ABCC4: variants seen among roughly 807,000 people sequenced by gnomAD.
ABCC4 encodes the protein ATP-binding cassette sub-family C member 4.
A neutral mutation model predicts 168.5 loss-of-function variants in ABCC4; 102 were observed. The observed-to-expected ratio is 0.61, with a 90% confidence interval of 0.52 to 0.71. The LOEUF is 0.71. Among genes scored for constraint, ABCC4 ranks in the 30% least tolerant of loss-of-function variants. ABCC4 has a pLI of 0.00. For synonymous variants in ABCC4, 617 were observed against 590.7 expected (o/e 1.04, Z -0.65); for missense variants, 1,402 against 1,605.8 (o/e 0.87, Z 2.17).
chr13:95,029,227 G>T (rs1481508744), intron 30 of ABCC4, among the ~76,000 whole-genome samples: 15 of 26,656 alleles, frequency 5.6e-4, no homozygotes, highest in African/African-American at 1.7e-3. Context: ...GAGAGAGAGA[G>T]AGAGAGAGAG....
chr13:95,255,831 T>C (rs1030888631), intron 1 of ABCC4, among the ~76,000 whole-genome samples: 3 of 152,166 alleles, frequency 2.0e-5, no homozygotes, highest in African/African-American at 7.2e-5. Context: ...GATTTCCTAC[T>C]ACGGAGCTTC....
chr13:95,173,386 G>A (rs1349307372), intron 13 of ABCC4, among the ~76,000 whole-genome samples: 1 of 152,242 alleles, frequency 6.6e-6, no homozygotes, highest in Non-Finnish European at 1.5e-5. Flanking sequence ...AGGGCTGTGG[G>A]AAGACAGAGA....
At chr13:95,073,779 C>A (rs2033809082) in intron 23 of ABCC4, among the ~76,000 whole-genome samples, 1 of 152,128 alleles carries the variant, frequency 6.6e-6, no homozygotes, top group South Asian at 2.1e-4. Context: ...TGAACTCATG[C>A]CCTGCTTGTC....
chr13:95,135,477 A>G (rs1415670746), intron 19 of ABCC4, among the ~76,000 whole-genome samples: 2 of 151,522 alleles, frequency 1.3e-5, no homozygotes, highest in African/African-American at 4.9e-5. Context: ...TAGCTGTGCA[A>G]TCACAGCTCA....
At chr13:95,247,798 G>T in intron 1 of ABCC4, 45 bp from the exon 2 acceptor site, 1 of 1,504,640 alleles carries the variant, frequency 6.6e-7, no homozygotes, top group Non-Finnish European at 9.2e-7. Context: ...TTACACATCC[G>T]TGTTTAAGTA....
chr13:95,085,431 C>T (rs1271304429), intron 20 of ABCC4, among the ~76,000 whole-genome samples: 2 of 152,072 alleles, frequency 1.3e-5, no homozygotes, highest in East Asian at 3.9e-4. Context: ...GAAAGTGAGA[C>T]TACATCTCAA....
At chr13:95,056,079 A>C (rs1296122066) in intron 26 of ABCC4, among the ~76,000 whole-genome samples, 1 of 152,152 alleles carries the variant, frequency 6.6e-6, no homozygotes, top group Admixed American at 6.5e-5. Context: ...TCTATCCACC[A>C]ACCTTCAGAC....
At chr13:95,210,133 C>T (rs873706) in intron 5 of ABCC4, among the ~76,000 whole-genome samples, 11,483 of 152,236 alleles carry the variant, frequency 0.075, 669 homozygotes, top group East Asian at 0.22. Flanking sequence ...ATGAATATGG[C>T]CAGCAGCTAG....
intron 19 of ABCC4, among the ~76,000 whole-genome samples, chr13:95,158,071 CAAAAA>C (rs35037278): frequency 1.2e-5 from 1 of 84,670 alleles, no homozygotes; most frequent in African/African-American, 3.6e-5. Flanking sequence ...GACTCCGTCT[CAAAAA>C]AAAAAAAAAA....
rs143888620 is a variant in ABCC4, at chr13:95,103,807, T to C, written c.2535+12115A>G. Among the ~76,000 whole-genome samples the C allele has an allele frequency of 1.6e-3, 243 of 152,308 alleles. 1 individual carries two copies. The highest frequency in any genetic ancestry group is 5.0e-3 in the African/African-American group (209 of 41,560). On this transcript the variant is annotated intron_variant, in intron 20 of 30. Transcript: ENST00000645237. ...ATTCCTGTGCTTAAGAAACAAGCCTTCTTGTGATCTGGCCCCTCTGCATCT... is the reference window on the plus strand; with the variant it reads ...ATTCCTGTGCTTAAGAAACAAGCCTCCTTGTGATCTGGCCCCTCTGCATCT...
At chr13:95,043,395 G>A (rs763278110) in intron 29 of ABCC4, 23 of 345,778 alleles carry the variant, frequency 6.7e-5, no homozygotes, top group African/African-American at 1.6e-4. Context: ...ATACTACTCC[G>A]TAGTATGACA....
At chr13:95,285,506 C>T (rs1295120203) in intron 1 of ABCC4, among the ~76,000 whole-genome samples, 1 of 152,084 alleles carries the variant, frequency 6.6e-6, no homozygotes, top group African/African-American at 2.4e-5. Flanking sequence ...GCCAAGATCA[C>T]ACTACTACAC....
At chr13:95,105,792 C>G (rs1216609845) in intron 20 of ABCC4, among the ~76,000 whole-genome samples, 1 of 152,114 alleles carries the variant, frequency 6.6e-6, no homozygotes, top group Non-Finnish European at 1.5e-5. Flanking sequence ...GCTGTCCAAC[C>G]CCAAGATGCT....
chr13:95,166,084 G>A, intron 15 of ABCC4, 74 bp downstream of exon 15: 1 of 1,312,090 alleles, frequency 7.6e-7, no homozygotes, highest in Non-Finnish European at 1.1e-6. Flanking sequence ...GCTTTGAACA[G>A]AGTAGACCAA....
At chr13:95,219,663 C>G (rs2039256791) in intron 4 of ABCC4, among the ~76,000 whole-genome samples, 2 of 151,964 alleles carry the variant, frequency 1.3e-5, no homozygotes, top group East Asian at 1.9e-4. Flanking sequence ...TGCCACCACA[C>G]TTGGCTTTTT....
At chr13:95,038,395 A>AAG (rs1566362881) in intron 29 of ABCC4, among the ~76,000 whole-genome samples, 1 of 150,532 alleles carries the variant, frequency 6.6e-6, no homozygotes, top group Admixed American at 6.6e-5. Context: ...AAAAAAAAAA[A>AAG]GACAGAAGAA....
chr13:95,127,402 C>G (rs2035818234), intron 19 of ABCC4, among the ~76,000 whole-genome samples: 1 of 152,152 alleles, frequency 6.6e-6, no homozygotes, highest in African/African-American at 2.4e-5. Context: ...TCTCCTGCCT[C>G]AGCCTCTCAA....
intron 20 of ABCC4, among the ~76,000 whole-genome samples, chr13:95,113,714 C>G (rs549729356): frequency 4.6e-5 from 7 of 152,160 alleles, no homozygotes; most frequent in African/African-American, 1.4e-4. Flanking sequence ...ATGATCCTGG[C>G]GATACCTCAG....
chr13:95,078,804 G>A (rs943290), intron 21 of ABCC4, among the ~76,000 whole-genome samples: 98,048 of 152,024 alleles, frequency 0.64, 33,359 homozygotes, highest in South Asian at 0.82. Flanking sequence ...CCATCATATA[G>A]AGAATGCCAC....
Sources: gnomAD v4.1 joint callset for allele counts (sites outside exome capture counted in the v4.1 genomes callset) on GRCh38, gnomAD v4.1.1 for gene constraint, MANE v1.5 for transcripts, NCBI Gene and HGNC (gene_info 2026-07-23, HGNC 2026-07-21) for gene names.